DACH2: variants seen among roughly 807,000 people sequenced by gnomAD.
DACH2 encodes dachshund homolog 2.
In DACH2, 17 loss-of-function variants were observed where a neutral mutation model predicts 35.8. The observed-to-expected ratio is 0.48, with a 90% CI of 0.33 to 0.71. The LOEUF (loss-of-function observed/expected upper bound fraction) is 0.71. Among genes scored for constraint, DACH2 ranks in the 30% least tolerant of loss-of-function variants. DACH2 has a pLI of 0.02. For synonymous variants in DACH2, 195 were observed against 177.3 expected, an observed-to-expected ratio of 1.10 and a Z score of -0.79; for missense variants, 469 against 472.7, an observed-to-expected ratio of 0.99 and a Z score of 0.07.
At chrX:86,289,021 T>A (rs1348932150) in intron 1 of DACH2, among the ~76,000 whole-genome samples, 3 of 110,644 alleles carry the variant, frequency 2.7e-5, no homozygotes, top group African/African-American at 9.9e-5. Flanking sequence ...CAAGTCTCAG[T>A]GTCTCACAGC....
At chrX:86,525,459 G>T (rs1405685232) in intron 3 of DACH2, among the ~76,000 whole-genome samples, 1 of 111,697 alleles carries the variant, frequency 9.0e-6, no homozygotes, top group Non-Finnish European at 1.9e-5. Context: ...ATTATTTGTT[G>T]TGGCTATAAT....
chrX:86,446,209 A>G (rs143094863), intron 2 of DACH2, among the ~76,000 whole-genome samples: 4,359 of 104,528 alleles, frequency 0.042, 93 homozygotes, highest in Non-Finnish European at 0.065. Flanking sequence ...GTCTTTTTTT[A>G]TTCCTTCACT....
At chrX:86,250,521 T>C (rs2033378094) in intron 1 of DACH2, among the ~76,000 whole-genome samples, 1 of 111,559 alleles carries the variant, frequency 9.0e-6, no homozygotes, top group Non-Finnish European at 1.9e-5. Flanking sequence ...TAAAAACAAT[T>C]GTTAATAATA....
At chrX:86,581,390 A>G (rs1020525589) in intron 3 of DACH2, among the ~76,000 whole-genome samples, 1 of 105,985 alleles carries the variant, frequency 9.4e-6, no homozygotes, top group African/African-American at 3.6e-5. Flanking sequence ...ACTTGAATGT[A>G]TGTGGGCTAA....
chrX:86,285,279 G>A (rs2034121567), intron 1 of DACH2, among the ~76,000 whole-genome samples: 1 of 111,124 alleles, frequency 9.0e-6, no homozygotes, highest in Non-Finnish European at 1.9e-5. Flanking sequence ...TTGTTTATTT[G>A]AAGTTTTACT....
At chrX:86,457,795 C>T (rs2037501896) in intron 2 of DACH2, among the ~76,000 whole-genome samples, 1 of 111,722 alleles carries the variant, frequency 9.0e-6, no homozygotes, top group Admixed American at 9.5e-5. Flanking sequence ...GATGCGTGGG[C>T]AAGTAATCTA....
chrX:86,667,484 AAG>A (rs1385328403), intron 4 of DACH2, among the ~76,000 whole-genome samples: 1 of 99,775 alleles, frequency 1.0e-5, no homozygotes, highest in African/African-American at 3.7e-5. Context: ...AGAAAGAAGG[AAG>A]GAAAGAAAGA....
chrX:86,533,733 A>C (rs1282101922), intron 3 of DACH2, among the ~76,000 whole-genome samples: 2 of 111,933 alleles, frequency 1.8e-5, no homozygotes, highest in Non-Finnish European at 3.8e-5. Context: ...TTCTTTCTAC[A>C]AAATAAGTTG....
chrX:86,556,807 G>C (rs1400593204), intron 3 of DACH2, among the ~76,000 whole-genome samples: 1 of 89,784 alleles, frequency 1.1e-5, no homozygotes. Context: ...GAGAGAGAGA[G>C]AGAGAGAGAG....
At chrX:86,471,916 T>C (rs375223105) in intron 2 of DACH2, among the ~76,000 whole-genome samples, 17 of 112,076 alleles carry the variant, frequency 1.5e-4, no homozygotes, top group African/African-American at 5.5e-4. Context: ...AAACATGTGA[T>C]GTAATACCTA....
At chrX:86,465,213 A>G (rs1259155684) in intron 2 of DACH2, among the ~76,000 whole-genome samples, 2 of 112,397 alleles carry the variant, frequency 1.8e-5, no homozygotes, top group African/African-American at 6.5e-5. Flanking sequence ...AAAAAGAAGT[A>G]GAGACAGAGA....
intron 7 of DACH2, among the ~76,000 whole-genome samples, chrX:86,781,382 A>ATGTG (rs2042087846): frequency 2.7e-5 from 3 of 111,619 alleles, no homozygotes; most frequent in African/African-American, 9.8e-5. Context: ...TTCTCCATAT[A>ATGTG]TGGTCAAAGT....
At chrX:86,622,909 A>T (rs1035885715) in intron 3 of DACH2, among the ~76,000 whole-genome samples, 1 of 112,028 alleles carries the variant, frequency 8.9e-6, no homozygotes, top group Non-Finnish European at 1.9e-5. Context: ...AAGAAAAAAA[A>T]CTGGTGTTTG....
rs751254917 is a variant in DACH2 at position 86,498,534 on chromosome X, G to A, written c.528-15745G>A. Among the ~76,000 whole-genome samples, 4 of 112,259 alleles carry A rather than the reference G, an allele frequency of 3.6e-5. 1 individual carries two copies. The South Asian group carries it at 1.5e-3, about 41-fold the overall frequency. On this transcript the variant is annotated intron_variant, in intron 2 of 11. Transcript: ENST00000373125. Reference sequence around the variant, plus strand: ...AAGGCATTCTGTTTCTGCACATCATGTTATCTGTACCTTCCAACGTGGAAA... The same window carrying A: ...AAGGCATTCTGTTTCTGCACATCATATTATCTGTACCTTCCAACGTGGAAA...
chrX:86,410,229 A>G (rs1020911538), intron 2 of DACH2, among the ~76,000 whole-genome samples: 1 of 112,370 alleles, frequency 8.9e-6, no homozygotes, highest in African/African-American at 3.2e-5. Context: ...GTTTTTACCA[A>G]GGAACAATCC....
chrX:86,235,312 C>T (rs914823943), intron 1 of DACH2, among the ~76,000 whole-genome samples: 6 of 112,186 alleles, frequency 5.3e-5, no homozygotes, highest in Non-Finnish European at 1.1e-4. Context: ...GATGTCTTGT[C>T]TAGTATTCCA....
At chrX:86,738,815 T>G (rs140210673) in intron 6 of DACH2, among the ~76,000 whole-genome samples, 4,537 of 111,517 alleles carry the variant, frequency 0.041, 220 homozygotes, top group African/African-American at 0.14. Context: ...GAATTGACCT[T>G]GATAGATCAT....
At chrX:86,605,230 T>A (rs1011624706) in intron 3 of DACH2, among the ~76,000 whole-genome samples, 1 of 111,734 alleles carries the variant, frequency 8.9e-6, no homozygotes, top group Non-Finnish European at 1.9e-5. Context: ...ATTTCTTTGT[T>A]TACATGCAAA....
At chrX:86,342,412 C>T (rs766771422) in intron 1 of DACH2, among the ~76,000 whole-genome samples, 3 of 111,193 alleles carry the variant, frequency 2.7e-5, no homozygotes, top group African/African-American at 6.5e-5. Context: ...AAAGTGCAAG[C>T]CAGACTGCTT....
Sources: allele counts gnomAD v4.1 joint callset (sites outside exome capture counted in the v4.1 genomes callset), GRCh38; gene constraint gnomAD v4.1.1; transcripts MANE v1.5; gene names NCBI Gene and HGNC (gene_info 2026-07-23, HGNC 2026-07-21).